RGL1: variants seen among roughly 807,000 people sequenced by gnomAD.
The protein encoded by RGL1 is ral guanine nucleotide dissociation stimulator-like 1.
RGL1 carries 24 observed loss-of-function variants against 95.2 expected under a neutral mutation model. The ratio of observed to expected loss-of-function variants is 0.25; its 90% CI spans 0.18 to 0.35. RGL1 has a LOEUF of 0.35. Ranked by LOEUF, RGL1 falls within the 10% of genes least tolerant of loss-of-function variation. The pLI, the probability that RGL1 is intolerant of heterozygous loss-of-function variation, is 1.00. For missense variants in RGL1, 715 were observed against 936.3 expected, an observed-to-expected ratio of 0.76 and a Z score of 3.08; for synonymous variants, 329 against 344.9, an observed-to-expected ratio of 0.95 and a Z score of 0.51.
intron 3 of RGL1, among the ~76,000 whole-genome samples, chr1:183,852,540 G>A (rs1558249337): frequency 6.6e-6 from 1 of 152,152 alleles, no homozygotes; most frequent in African/African-American, 2.4e-5. Context: ...CTGGCCAGGC[G>A]TGGTGGCTCA....
chr1:183,853,199 G>T (rs976673652), intron 3 of RGL1, among the ~76,000 whole-genome samples: 4 of 152,114 alleles, frequency 2.6e-5, no homozygotes, highest in African/African-American at 7.2e-5. Flanking sequence ...AGCTGGGCGT[G>T]GTGGTGCATG....
Position 183,724,786 on chromosome 1 carries a change from C to T in RGL1, c.-32-17340C>T, listed in dbSNP as rs1926827. ...GACATGAGCATGGCTGTTTTCACCACCTGCTAATTATAGAACCTTAGGGCC... is the reference window on the plus strand; with the variant it reads ...GACATGAGCATGGCTGTTTTCACCATCTGCTAATTATAGAACCTTAGGGCC... On this transcript the variant is annotated intron_variant, in intron 1 of 18. Transcript: ENST00000304685. The surrounding 1 kb of genome is among the most constrained non-coding windows in gnomAD (Gnocchi z 4.1). 0.47 allele frequency among the ~76,000 whole-genome samples: 71,041 copies of T among 151,802 alleles called. 17,468 individuals are homozygous for T. Among genetic ancestry groups the T allele is most frequent in the East Asian group, 0.8 (4,118 of 5,140 alleles).
At chr1:183,892,243 T>G in intron 9 of RGL1, 82 bp downstream of exon 9, 1 of 1,012,910 alleles carries the variant, frequency 9.9e-7, no homozygotes. Context: ...GAGGGCTCCT[T>G]AAGTTCCTTC....
At chr1:183,637,048 G>C (rs10911385) in intron 1 of RGL1, among the ~76,000 whole-genome samples, 10,448 of 152,186 alleles carry the variant, frequency 0.069, 629 homozygotes, top group African/African-American at 0.16. Flanking sequence ...AGGCTTAAGT[G>C]TTGACTCTTC....
chr1:183,727,225 T>C (rs888447287), intron 1 of RGL1, among the ~76,000 whole-genome samples: 2 of 152,154 alleles, frequency 1.3e-5, no homozygotes, highest in Non-Finnish European at 2.9e-5. Flanking sequence ...ATGAATGTAG[T>C]TCATCTTATT....
chr1:183,879,306 T>C (rs939428688), intron 4 of RGL1, among the ~76,000 whole-genome samples: 31 of 152,360 alleles, frequency 2.0e-4, no homozygotes, highest in African/African-American at 7.5e-4. Context: ...GTCATACTTA[T>C]GCTTTGATGA....
At chr1:183,790,001 GC>G (rs1479361167) in intron 2 of RGL1, among the ~76,000 whole-genome samples, 2 of 151,656 alleles carry the variant, frequency 1.3e-5, no homozygotes, top group Admixed American at 1.3e-4. Flanking sequence ...GCTCACTGCA[GC>G]CTCCACCTCC....
At chr1:183,897,953 T>G in intron 10 of RGL1, 56 bp downstream of exon 10, 1 of 1,449,820 alleles carries the variant, frequency 6.9e-7, no homozygotes, top group Non-Finnish European at 9.7e-7. Flanking sequence ...GCCGTGTGCG[T>G]CTGGGCTCCC....
At chr1:183,805,910 G>GCCACTCTA (rs909864885) in intron 1 of RGL1, among the ~76,000 whole-genome samples, 29 of 147,344 alleles carry the variant, frequency 2.0e-4, no homozygotes, top group Non-Finnish European at 3.7e-4. Flanking sequence ...CAATGACCGA[G>GCCACTCTA]CCACTCTAAA....
chr1:183,669,511 G>C (rs1004751753), intron 1 of RGL1, among the ~76,000 whole-genome samples: 2 of 152,170 alleles, frequency 1.3e-5, no homozygotes, highest in African/African-American at 4.8e-5. Context: ...ATTCTGTCCA[G>C]ATATGCTTGT....
intron 2 of RGL1, among the ~76,000 whole-genome samples, chr1:183,787,976 C>A (rs971090193): frequency 2.6e-5 from 4 of 152,124 alleles, no homozygotes; most frequent in Admixed American, 2.6e-4. Context: ...ATCTGCAGAG[C>A]CATGAGTCAA....
chr1:183,754,869 G>A (rs1412234893), intron 2 of RGL1: 1 of 152,174 alleles, frequency 6.6e-6, no homozygotes, highest in Non-Finnish European at 1.5e-5. Flanking sequence ...CGTCTGAATG[G>A]AAGCTGACTT....
chr1:183,737,259 T>C (rs1656997785), intron 1 of RGL1, among the ~76,000 whole-genome samples: 2 of 152,212 alleles, frequency 1.3e-5, no homozygotes, highest in Admixed American at 1.3e-4. Context: ...CTTAACGTTT[T>C]CAAGATTAGC....
chr1:183,645,643 C>T (rs959455796), intron 1 of RGL1, among the ~76,000 whole-genome samples: 1 of 152,218 alleles, frequency 6.6e-6, no homozygotes, highest in African/African-American at 2.4e-5. Context: ...GCGTAGTGAG[C>T]AAGGAAAGCT....
At chr1:183,897,671 C>T (rs971255640) in intron 9 of RGL1, 137 bp from the exon 10 acceptor site, 5 of 600,256 alleles carry the variant, frequency 8.3e-6, no homozygotes, top group Admixed American at 2.9e-5. Flanking sequence ...TGAGAGCCTG[C>T]TGGAGGCCTC....
intron 3 of RGL1, among the ~76,000 whole-genome samples, chr1:183,860,802 C>G (rs1401507591): frequency 6.6e-6 from 1 of 152,178 alleles, no homozygotes; most frequent in Non-Finnish European, 1.5e-5. Context: ...AAAACAGAGA[C>G]TTTGGTTTGT....
chr1:183,653,359 G>C (rs540182256), intron 1 of RGL1: 4 of 152,372 alleles, frequency 2.6e-5, no homozygotes, highest in African/African-American at 9.6e-5. Context: ...CTACTGCTAG[G>C]ATACAGCTCT....
intron 2 of RGL1, among the ~76,000 whole-genome samples, chr1:183,829,695 A>T (rs1663127335): frequency 6.6e-6 from 1 of 152,126 alleles, no homozygotes; most frequent in African/African-American, 2.4e-5. Flanking sequence ...CTGAGCTTCC[A>T]CCACTCTCCC....
intron 1 of RGL1, among the ~76,000 whole-genome samples, chr1:183,652,381 G>A (rs1237912509): frequency 6.6e-6 from 1 of 152,176 alleles, no homozygotes; most frequent in African/African-American, 2.4e-5. Flanking sequence ...CATTCTTGCT[G>A]ACAACTTTTC....
Sources: allele counts gnomAD v4.1 joint callset (sites outside exome capture counted in the v4.1 genomes callset), GRCh38; gene constraint gnomAD v4.1.1; non-coding constraint Gnocchi (gnomAD v3.1); transcripts MANE v1.5; gene names NCBI Gene and HGNC (gene_info 2026-07-23, HGNC 2026-07-21).